SH2D3C: variants seen among roughly 807,000 people sequenced by gnomAD.
The protein encoded by SH2D3C is SH2 domain-containing protein 3C.
Under a neutral mutation model 75.2 loss-of-function variants are expected in SH2D3C, and 25 were observed. That is an observed-to-expected ratio of 0.33 (90% CI 0.24 to 0.46). SH2D3C has a LOEUF of 0.46. Among genes scored for constraint, SH2D3C ranks in the 20% least tolerant of loss-of-function variants. The pLI is 1.00. For synonymous variants in SH2D3C, 450 were observed against 473.7 expected, an observed-to-expected ratio of 0.95 and a Z score of 0.65; for missense variants, 933 against 1,165.3, an observed-to-expected ratio of 0.80 and a Z score of 2.90.
intron 3 of SH2D3C, among the ~76,000 whole-genome samples, chr9:127,756,238 G>A (rs1417165975): frequency 6.6e-6 from 1 of 152,194 alleles, no homozygotes; most frequent in Non-Finnish European, 1.5e-5. Context: ...GGAGGCGGAG[G>A]TTGCAGTGAG....
chr9:127,755,340 C>G, intron 3 of SH2D3C: 1 of 629,482 alleles, frequency 1.6e-6, no homozygotes, highest in Non-Finnish European at 2.2e-6. Flanking sequence ...TCCAGCCGGC[C>G]AGGGGAGGGG....
At chr9:127,772,960 A>G (rs1334305948) in intron 2 of SH2D3C, among the ~76,000 whole-genome samples, 1 of 151,736 alleles carries the variant, frequency 6.6e-6, no homozygotes, top group Non-Finnish European at 1.5e-5. Context: ...CCACCTCCTG[A>G]GTAACTGGGA....
chr9:127,754,912 T>C lies in SH2D3C; in HGVS notation c.556-3612A>G. 1 of 516,220 alleles carries C rather than the reference T, an allele frequency of 1.9e-6. No individual in the cohort carries two copies. The highest frequency in any genetic ancestry group is 3.8e-6 in the Non-Finnish European group (1 of 260,846). The allele number at this position is 516,220 out of a possible 1,614,324, so 32.0% of individuals were successfully genotyped here. On this transcript the variant is annotated intron_variant, in intron 3 of 11. Coordinates refer to ENST00000314830, the MANE Select transcript of SH2D3C (RefSeq NM_170600.3). This position sits in a 1 kb window ranked among gnomAD's most constrained non-coding sequence, Gnocchi z 4.4. The stretch of plus-strand genomic sequence containing the variant: ...CGCGGAGCGCCTGGGCGCCCAGAGG[T>C]GAGGCTGGGGTGACCCCGCCCCCTC...
chr9:127,767,077 G>A (rs368193759), intron 2 of SH2D3C: 1 of 1,536,214 alleles, frequency 6.5e-7, no homozygotes, highest in Non-Finnish European at 8.7e-7. Flanking sequence ...CCCAAGATGG[G>A]CCACCATTGT....
intron 3 of SH2D3C, chr9:127,755,377 C>G (rs1845350369): frequency 2.8e-6 from 1 of 360,066 alleles, no homozygotes; most frequent in African/African-American, 2.2e-5. Context: ...TCCCTCCGCC[C>G]GCCCCCCGCT....
chr9:127,756,770 C>T (rs1035053868), intron 3 of SH2D3C, among the ~76,000 whole-genome samples: 4 of 151,666 alleles, frequency 2.6e-5, no homozygotes, highest in Non-Finnish European at 2.9e-5. Context: ...TCAGCCTCTC[C>T]GAGTAGCTGG....
At position 127,764,793 on chromosome 9, in the gene SH2D3C, C is replaced by T. The variant is rs555102553; in HGVS notation, c.516-3143G>A. On this transcript the variant is annotated intron_variant, in intron 2 of 11. Coordinates refer to ENST00000314830, the MANE Select transcript of SH2D3C (RefSeq NM_170600.3). The stretch of plus-strand genomic sequence containing the variant: ...TGCGATCTTGGCTGACTGCAACCTC[C>T]GCCTCCCGTGTCCAAGCGATTCTCC... Among the ~76,000 whole-genome samples the T allele has an allele frequency of 3.2e-3, 493 of 152,228 alleles. 1 individual carries two copies. Among genetic ancestry groups the T allele is most frequent in the African/African-American group, 0.011 (466 of 41,532 alleles).
At chr9:127,761,546 C>T in intron 3 of SH2D3C, 65 bp downstream of exon 3, 1 of 1,202,420 alleles carries the variant, frequency 8.3e-7, no homozygotes, top group African/African-American at 1.5e-5. Context: ...CTCTGCCCAC[C>T]CGTAATGGAG....
Position 127,739,951 on chromosome 9 carries a change from C to T in SH2D3C, c.2201-63G>A. 1 of 1,421,880 alleles carries T rather than the reference C, an allele frequency of 7.0e-7. No individual in the cohort carries two copies. Among genetic ancestry groups the T allele is most frequent in the East Asian group, 2.5e-5 (1 of 39,682 alleles). 88.1% of individuals were successfully genotyped at this position (1,421,880 alleles called of 1,614,324 possible). ...TAGTGCCCCACCATCCACTGCAGTCCTGGAAGCTGAGGTGCAGGAGGGAAC... is the reference window on the plus strand; with the variant it reads ...TAGTGCCCCACCATCCACTGCAGTCTTGGAAGCTGAGGTGCAGGAGGGAAC... On this transcript the variant is annotated intron_variant, in intron 10 of 11. Coordinates refer to ENST00000314830, the MANE Select transcript of SH2D3C (RefSeq NM_170600.3). This position sits in a 1 kb window ranked among gnomAD's most constrained non-coding sequence, Gnocchi z 4.3.
In SH2D3C at chr9:127,774,645, G is replaced by GC. The variant is rs1845783930; in HGVS notation, c.38-179_38-178insG. Among the ~76,000 whole-genome samples the GC allele has an allele frequency of 6.6e-6, 1 of 152,176 alleles. No individual in the cohort carries two copies. The highest frequency in any genetic ancestry group is 1.5e-5 in the Non-Finnish European group (1 of 68,028). ...AATGGTATAAGATGGGAGCTTTGGAGTCACGGGGCCCTGGACTTGAATTCC... is the reference window on the plus strand; with the variant it reads ...AATGGTATAAGATGGGAGCTTTGGAGCTCACGGGGCCCTGGACTTGAATTCC... On this transcript the variant is annotated intron_variant, in intron 1 of 11. Transcript: ENST00000314830. This position sits in a 1 kb window ranked among gnomAD's most constrained non-coding sequence, Gnocchi z 4.3.
chr9:127,777,356 G>T (rs1829033019), intron 1 of SH2D3C, among the ~76,000 whole-genome samples: 1 of 152,066 alleles, frequency 6.6e-6, no homozygotes. Context: ...CCAAGTATTG[G>T]GTCCCAGCCT....
In SH2D3C at chr9:127,742,364, G is replaced by A. The variant is rs544713904; in HGVS notation, c.1917-405C>T. Among the ~76,000 whole-genome samples, 8 of 152,360 alleles carry A rather than the reference G, an allele frequency of 5.3e-5. No individual in the cohort carries two copies. The South Asian group carries it at 1.7e-3, about 32-fold the overall frequency. On this transcript the variant is annotated intron_variant, in intron 8 of 11. Transcript: ENST00000314830. ...CGATTCTTCTGCCTCAGCCTCCAGA[G>A]GAGCTGGGATTACAGACGCGCGCCA...
At chr9:127,761,400 C>T (rs1845521398) in intron 3 of SH2D3C, among the ~76,000 whole-genome samples, 1 of 152,014 alleles carries the variant, frequency 6.6e-6, no homozygotes, top group South Asian at 2.1e-4. Context: ...GAGTTTGGGG[C>T]CAGGAAAGAA....
chr9:127,747,486 C>T (rs1845067488), intron 5 of SH2D3C, among the ~76,000 whole-genome samples: 1 of 152,110 alleles, frequency 6.6e-6, no homozygotes, highest in South Asian at 2.1e-4. Flanking sequence ...ACCCTGGTGG[C>T]TAGAACGCCT....
Position 127,765,843 on chromosome 9 carries a change from A to G in SH2D3C, c.516-4193T>C, listed in dbSNP as rs544072272. Among the ~76,000 whole-genome samples, 97 of 152,336 alleles carry G rather than the reference A, an allele frequency of 6.4e-4. No homozygotes were observed. The Middle Eastern group carries it at 0.01, about 16-fold the overall frequency. On this transcript the variant is annotated intron_variant, in intron 2 of 11. Transcript: ENST00000314830. ...AAACCTAAAAGAGACTTCTCCTGCC[A>G]TATTAGTGGTGAAATCAATTAATAA...
At position 127,749,599 on chromosome 9, in the gene SH2D3C, C is replaced by T. The variant is rs778023989; in HGVS notation, c.751G>A (p.Asp251Asn). The T allele has an allele frequency of 3.1e-6, 5 of 1,600,524 alleles. No individual in the cohort carries two copies. In the South Asian group the frequency reaches 3.4e-5, roughly 11 times the overall value. The change falls in exon 5 of 12, where the codon GAC (aspartate) becomes AAC (asparagine). Residue 251 changes from aspartate (D) to asparagine (N), a missense_variant. Transcript: ENST00000314830. This position sits in a 1 kb window ranked among gnomAD's most constrained non-coding sequence, Gnocchi z 5.9. ...LIRDSLTSLG[D>N]YVLTCRWRNQ... ...CGCCAGCGGCACGTGAGCACATAGT[C>T]GCCCAGGCTGGTGAGTGAGTCCCGG...
intron 5 of SH2D3C, among the ~76,000 whole-genome samples, chr9:127,747,924 G>A (rs910766175): frequency 5.3e-5 from 8 of 152,132 alleles, no homozygotes; most frequent in African/African-American, 1.4e-4. Flanking sequence ...AAAGCTTAGA[G>A]CAGCCTGAGG....
At position 127,751,903 on chromosome 9, in the gene SH2D3C, G is replaced by A. The variant is rs1251789771; in HGVS notation, c.556-603C>T. On this transcript the variant is annotated intron_variant, in intron 3 of 11. Coordinates refer to ENST00000314830, the MANE Select transcript of SH2D3C (RefSeq NM_170600.3). The surrounding 1 kb of genome is among the most constrained non-coding windows in gnomAD (Gnocchi z 4.1). ...GTTCTGGGATGGTGCATTCTACAAT[G>A]CAAGGGTGGGGAAGGGACTATAAAC... Among the ~76,000 whole-genome samples, 1 of 152,156 alleles carries A rather than the reference G, an allele frequency of 6.6e-6. No homozygotes were observed. Among genetic ancestry groups the A allele is most frequent in the African/African-American group, 2.4e-5 (1 of 41,424 alleles).
At position 127,754,719 on chromosome 9, in the gene SH2D3C, C is replaced by T. The variant is rs1488707956; in HGVS notation, c.556-3419G>A. On this transcript the variant is annotated intron_variant, in intron 3 of 11. Coordinates refer to ENST00000314830, the MANE Select transcript of SH2D3C (RefSeq NM_170600.3). The surrounding 1 kb of genome is among the most constrained non-coding windows in gnomAD (Gnocchi z 4.4). ...CGGTACAATGGGGAGCCAGGGTGCC[C>T]AGGTCAGCCGCAAGGGCCAGCGTAC... 1 of 414,598 alleles carries T rather than the reference C, an allele frequency of 2.4e-6. No individual in the cohort carries two copies. The highest frequency in any genetic ancestry group is 5.2e-6 in the Non-Finnish European group (1 of 193,606). The allele number at this position is 414,598 out of a possible 1,614,324, so 25.7% of individuals were successfully genotyped here. A position where few individuals can be genotyped will look rare whatever the true frequency, so the allele number is the denominator to read the frequency against.
Sources: allele counts gnomAD v4.1 joint callset (sites outside exome capture counted in the v4.1 genomes callset), GRCh38; gene constraint gnomAD v4.1.1; non-coding constraint Gnocchi (gnomAD v3.1); transcripts MANE v1.5; gene names NCBI Gene and HGNC (gene_info 2026-07-23, HGNC 2026-07-21).